The following LRRIQ3 variants were observed in gnomAD, a reference collection of about 807,000 sequenced individuals.
LRRIQ3 encodes leucine-rich repeat and IQ domain-containing protein 3.
Under a neutral mutation model 59.3 loss-of-function variants are expected in LRRIQ3, and 75 were observed. That is an observed-to-expected ratio of 1.26 (90% CI 1.05 to 1.53). LRRIQ3 has a LOEUF of 1.53. Ranked by LOEUF, LRRIQ3 falls within the 40% of genes most tolerant of loss-of-function variation. The probability of loss-of-function intolerance (pLI) is 0.00; values close to 1 mark genes in which losing one functional copy is unlikely to be tolerated. For missense variants in LRRIQ3, 831 were observed against 710.0 expected (o/e 1.17, Z -1.94); for synonymous variants, 250 against 231.3 (o/e 1.08, Z -0.73).
chr1:74,103,068 C>T (rs10789388), intron 5 of LRRIQ3, among the ~76,000 whole-genome samples: 1 of 151,710 alleles, frequency 6.6e-6, no homozygotes, highest in African/African-American at 2.4e-5. Flanking sequence ...TATACTTCTA[C>T]CTAAGTAGAC....
At chr1:74,171,410 A>G (rs1298675448) in intron 3 of LRRIQ3, among the ~76,000 whole-genome samples, 1 of 151,982 alleles carries the variant, frequency 6.6e-6, no homozygotes. Flanking sequence ...TAATTGTGTG[A>G]TTTTTATTAT....
In LRRIQ3 at chr1:74,101,135, G is replaced by A. The variant is rs191159499; in HGVS notation, c.867+8259C>T. On this transcript the variant is annotated intron_variant, in intron 5 of 7. Transcript: ENST00000354431. ...AGTGAACAGGCAATCTACAGAACAGGAGAACATTTTTGCAATCTACTCATC... is the reference window on the plus strand; with the variant it reads ...AGTGAACAGGCAATCTACAGAACAGAAGAACATTTTTGCAATCTACTCATC... Among the ~76,000 whole-genome samples, 5 of 152,174 alleles carry A rather than the reference G, an allele frequency of 3.3e-5. No individual in the cohort carries two copies. In the East Asian group the frequency reaches 7.8e-4, roughly 24 times the overall value.
chr1:74,106,405 C>A (rs1646613494), intron 5 of LRRIQ3, among the ~76,000 whole-genome samples: 1 of 151,854 alleles, frequency 6.6e-6, no homozygotes, highest in Non-Finnish European at 1.5e-5. Context: ...AGCTAGGCTG[C>A]CTCTAACATA....
chr1:74,057,291 C>A (rs1409958182), intron 6 of LRRIQ3, among the ~76,000 whole-genome samples: 2 of 151,952 alleles, frequency 1.3e-5, no homozygotes, highest in Admixed American at 1.3e-4. Context: ...GTTACTATAG[C>A]TTTTTAGTAT....
At chr1:74,124,877 T>C (rs1646913280) in intron 4 of LRRIQ3, among the ~76,000 whole-genome samples, 1 of 151,994 alleles carries the variant, frequency 6.6e-6, no homozygotes, top group Non-Finnish European at 1.5e-5. Context: ...TTAGGATTGT[T>C]TTCTCTATTT....
At chr1:74,095,718 C>T (rs1179967394) in intron 5 of LRRIQ3, among the ~76,000 whole-genome samples, 31 of 151,990 alleles carry the variant, frequency 2.0e-4, no homozygotes, top group Admixed American at 2.0e-3. Context: ...CACATGGGAA[C>T]ATAGTAAATA....
chr1:74,027,368 G>A (rs1653547786), intron 7 of LRRIQ3, among the ~76,000 whole-genome samples: 1 of 152,098 alleles, frequency 6.6e-6, no homozygotes, highest in Admixed American at 6.6e-5. Flanking sequence ...ACTATTTGGA[G>A]ATAAGGCCTT....
chr1:74,093,136 A>G (rs2100520844), intron 5 of LRRIQ3, among the ~76,000 whole-genome samples: 1 of 152,184 alleles, frequency 6.6e-6, no homozygotes, highest in African/African-American at 2.4e-5. Context: ...CAAAAAAAAA[A>G]AGTCTGTCCT....
At chr1:74,057,641 A>G (rs1487677268) in intron 6 of LRRIQ3, among the ~76,000 whole-genome samples, 1 of 152,164 alleles carries the variant, frequency 6.6e-6, no homozygotes, top group Non-Finnish European at 1.5e-5. Flanking sequence ...CTTTGAAACT[A>G]CTAGAAAACA....
chr1:74,051,778 T>C (rs2100417627), intron 6 of LRRIQ3, among the ~76,000 whole-genome samples: 1 of 152,314 alleles, frequency 6.6e-6, no homozygotes, highest in Non-Finnish European at 1.5e-5. Flanking sequence ...GGGGTTTCAT[T>C]ATTCTAAGGT....
chr1:74,096,955 C>A (rs981002428), intron 5 of LRRIQ3, among the ~76,000 whole-genome samples: 1 of 152,122 alleles, frequency 6.6e-6, no homozygotes, highest in Admixed American at 6.6e-5. Context: ...TCAGTCTCCC[C>A]CTACTGGGGG....
chr1:74,186,929 A>G (rs1344828389), intron 1 of LRRIQ3, among the ~76,000 whole-genome samples: 1 of 152,082 alleles, frequency 6.6e-6, no homozygotes, highest in Non-Finnish European at 1.5e-5. Context: ...TTTTAGCTTT[A>G]ATCAATGACT....
At chr1:74,181,792 T>C (rs949499121) in intron 3 of LRRIQ3, 2 of 151,846 alleles carry the variant, frequency 1.3e-5, no homozygotes, top group Non-Finnish European at 3.0e-5. Flanking sequence ...TTTCCACGCA[T>C]AATCACTGTT....
chr1:74,051,536 G>A (rs1654369656), intron 6 of LRRIQ3, among the ~76,000 whole-genome samples: 1 of 152,082 alleles, frequency 6.6e-6, no homozygotes, highest in Non-Finnish European at 1.5e-5. Flanking sequence ...CAATGTAATT[G>A]TTTTAATACA....
chr1:74,159,646 A>C (rs1648546342), intron 3 of LRRIQ3, among the ~76,000 whole-genome samples: 1 of 152,140 alleles, frequency 6.6e-6, no homozygotes, highest in Non-Finnish European at 1.5e-5. Flanking sequence ...ACTCTTCTCA[A>C]GTGAAAACCT....
intron 3 of LRRIQ3, among the ~76,000 whole-genome samples, chr1:74,166,955 G>A (rs186461973): frequency 6.6e-6 from 1 of 151,324 alleles, no homozygotes; most frequent in South Asian, 2.1e-4. Flanking sequence ...AATAATAGAC[G>A]CTGGCGTGGA....
intron 5 of LRRIQ3, among the ~76,000 whole-genome samples, chr1:74,097,807 G>T (rs1404465534): frequency 2.6e-5 from 4 of 152,084 alleles, no homozygotes; most frequent in African/African-American, 9.7e-5. Context: ...GCCAAACTAA[G>T]CTTCATAAGT....
In LRRIQ3 at chr1:74,026,807, A is replaced by G. The variant is rs1482185742; in HGVS notation, c.*6T>C. ...AGATGATCATAGGATGTGATCTGGC[A>G]TTGATTCATTTTATCAGTCCATTGG... On this transcript the variant is annotated 3_prime_UTR_variant, in exon 8 of 8. Coordinates refer to ENST00000354431, the MANE Select transcript of LRRIQ3 (RefSeq NM_001105659.2). 1 of 1,594,732 alleles carries G rather than the reference A, an allele frequency of 6.3e-7. No homozygotes were observed. The highest frequency in any genetic ancestry group is 1.8e-5 in the Admixed American group (1 of 55,444).
At chr1:74,027,534 G>A (rs1234425880) in intron 7 of LRRIQ3, among the ~76,000 whole-genome samples, 1 of 152,066 alleles carries the variant, frequency 6.6e-6, no homozygotes, top group Non-Finnish European at 1.5e-5. Context: ...TGCAAGCCAA[G>A]GAGAGAGGGC....
Sources: allele counts gnomAD v4.1 joint callset (sites outside exome capture counted in the v4.1 genomes callset), GRCh38; gene constraint gnomAD v4.1.1; transcripts MANE v1.5; gene names NCBI Gene and HGNC (gene_info 2026-07-23, HGNC 2026-07-21).